ANO7: variants seen among roughly 807,000 people sequenced by gnomAD.
ANO7 encodes the protein anoctamin 7.
Under a neutral mutation model 115.8 loss-of-function variants are expected in ANO7, and 114 were observed. That is an observed-to-expected ratio of 0.98 (90% CI 0.85 to 1.15). The LOEUF is 1.15. ANO7 is among the 50% of genes most tolerant of loss of function. The pLI is 0.00. For synonymous variants in ANO7, 550 were observed against 498.2 expected (o/e 1.10, Z -1.38); for missense variants, 1,302 against 1,201.2 (o/e 1.08, Z -1.24).
rs760600169 is a variant in ANO7 at position 241,204,853 on chromosome 2, T to C, written c.890-12T>C. The C allele has an allele frequency of 6.2e-7, 1 of 1,610,046 alleles. No individual in the cohort carries two copies. The highest frequency in any genetic ancestry group is 8.5e-7 in the Non-Finnish European group (1 of 1,176,864). ...GGTTCCTGATGGTGGACCCCTGCCA[T>C]CCTCTCTACAGGGTTTTACACAGGC... On this transcript the variant is annotated splice_polypyrimidine_tract_variant and intron_variant, in intron 9 of 24. Coordinates refer to ENST00000674324, the MANE Select transcript of ANO7 (RefSeq NM_001370694.2).
downstream of ANO7, among the ~76,000 whole-genome samples, chr2:241,226,095 A>G (rs775701051): frequency 7.2e-5 from 11 of 152,062 alleles, no homozygotes; most frequent in Non-Finnish European, 1.5e-4. Flanking sequence ...CCCGACGTGG[A>G]AGCTCCCCGA....
the ANO7 span, chr2:241,239,829 T>G: frequency 6.2e-7 from 1 of 1,612,578 alleles, no homozygotes; most frequent in African/African-American, 1.3e-5. The surrounding 1 kb of genome is among the most constrained non-coding windows in gnomAD (Gnocchi z 4.6). Flanking sequence ...TCCTGCAGTG[T>G]TAAGAAGAGA....
At chr2:241,235,760 G>C in the ANO7 span, 1 of 578,388 alleles carries the variant, frequency 1.7e-6, no homozygotes, top group Non-Finnish European at 3.1e-6. Context: ...GAAAAGAATA[G>C]GAAAAGATTT....
intron 19 of ANO7, 30 bp from the exon 20 acceptor site, chr2:241,217,656 G>A: frequency 2.6e-6 from 4 of 1,552,766 alleles, no homozygotes; most frequent in Non-Finnish European, 3.5e-6. Flanking sequence ...GACGGTGGCG[G>A]AGAGCCCGGC....
intron 2 of ANO7, 115 bp downstream of exon 2, chr2:241,190,286 C>A: frequency 1.1e-6 from 1 of 886,446 alleles, no homozygotes; most frequent in Non-Finnish European, 1.7e-6. Flanking sequence ...CGTGTTTCTC[C>A]TGCATCCCCC....
In ANO7 at chr2:241,196,770, G is replaced by A. The variant is rs187417466; in HGVS notation, c.309+925G>A. Among the ~76,000 whole-genome samples, 71 of 151,080 alleles carry A rather than the reference G, an allele frequency of 4.7e-4. No individual in the cohort carries two copies. In the East Asian group the frequency reaches 9.9e-3, roughly 21 times the overall value. ...ATGCCGGTCTTTGCTTATGGATGCC[G>A]TGAGAATGGGCATTTGACTTGTTCC... On this transcript the variant is annotated intron_variant, in intron 4 of 24. Coordinates refer to ENST00000674324, the MANE Select transcript of ANO7 (RefSeq NM_001370694.2).
At chr2:241,207,977 C>T (rs1184424849) in intron 11 of ANO7, among the ~76,000 whole-genome samples, 1 of 152,174 alleles carries the variant, frequency 6.6e-6, no homozygotes, top group Non-Finnish European at 1.5e-5. Flanking sequence ...GGCGGACAAA[C>T]CCTGGAGACC....
At chr2:241,234,577 G>A in the ANO7 span, among the ~76,000 whole-genome samples, 4 of 152,208 alleles carry the variant, frequency 2.6e-5, no homozygotes, top group African/African-American at 9.6e-5. Flanking sequence ...CCAAGTTCCA[G>A]AACCCCTGCT....
chr2:241,197,365 G>A (rs552458546), intron 4 of ANO7, among the ~76,000 whole-genome samples: 5 of 152,102 alleles, frequency 3.3e-5, no homozygotes, highest in Non-Finnish European at 5.9e-5. Context: ...CTCCCAAAGC[G>A]CTGGGATTAC....
chr2:241,209,852 G>T (rs765937317), intron 13 of ANO7, among the ~76,000 whole-genome samples: 1 of 152,174 alleles, frequency 6.6e-6, no homozygotes, highest in African/African-American at 2.4e-5. Flanking sequence ...GGGTCTCCCC[G>T]TGGGTGCGGG....
chr2:241,199,682 C>A (rs1197620502), intron 5 of ANO7, among the ~76,000 whole-genome samples: 3 of 152,220 alleles, frequency 2.0e-5, no homozygotes, highest in African/African-American at 7.2e-5. Flanking sequence ...CAGGCCCAGA[C>A]CCCCGCCAGG....
chr2:241,233,823 G>T, the ANO7 span: 2 of 1,614,106 alleles, frequency 1.2e-6, no homozygotes, highest in Non-Finnish European at 1.7e-6. This position sits in a 1 kb window ranked among gnomAD's most constrained non-coding sequence, Gnocchi z 4.3. Flanking sequence ...CTCTCACCTG[G>T]TTCCCATCGT....
downstream of ANO7, among the ~76,000 whole-genome samples, chr2:241,226,909 AC>A (rs1461389661): frequency 1.3e-5 from 2 of 150,976 alleles, no homozygotes; most frequent in South Asian, 2.1e-4. Context: ...CTCCGCCCGC[AC>A]CCCCCACCAC....
At chr2:241,236,652 C>T in the ANO7 span, 19 of 1,613,954 alleles carry the variant, frequency 1.2e-5, no homozygotes, top group Non-Finnish European at 1.4e-5. Flanking sequence ...CTTTTCTTTC[C>T]GGCCAGAGAT....
At chr2:241,231,686 G>A in the ANO7 span, among the ~76,000 whole-genome samples, 3 of 152,146 alleles carry the variant, frequency 2.0e-5, no homozygotes, top group African/African-American at 7.2e-5. Context: ...CCCTCACTCA[G>A]AGATCCCACC....
In ANO7 at chr2:241,203,353, A is replaced by C; in HGVS notation, c.744A>C (p.Pro248=). The change falls in exon 9 of 25, where the codon CCA becomes CCC. Residue 248 remains proline, a synonymous_variant. Coordinates refer to ENST00000674324, the MANE Select transcript of ANO7 (RefSeq NM_001370694.2). The surrounding 1 kb of genome is among the most constrained non-coding windows in gnomAD (Gnocchi z 4.8). ...PLHDGPFKTP[P]EGPQAPRLNQ... ...CCCAGGGCCCCTTCAAGACGCCCCCAGAGGGCCCGCAGGCTCCACGCCTCA... is the reference window on the plus strand; with the variant it reads ...CCCAGGGCCCCTTCAAGACGCCCCCCGAGGGCCCGCAGGCTCCACGCCTCA... 1 of 1,568,716 alleles carries C rather than the reference A, an allele frequency of 6.4e-7. No homozygotes were observed. The highest frequency in any genetic ancestry group is 8.6e-7 in the Non-Finnish European group (1 of 1,160,042).
rs2068692304 is a variant in ANO7 at position 241,210,358 on chromosome 2, G to A, written c.1423G>A (p.Val475Met). The stretch of plus-strand genomic sequence containing the variant: ...GTACCGTGCCATCATGGCCATCGTG[G>A]TGTCCAGGTCGGGCAACACCCTTCT... ...ILYRAIMAIV[V>M]SRSGNTLLAA... Residue 475 changes from valine to methionine, a missense_variant, in exon 14 of 25, where the codon GTG (valine) becomes ATG (methionine). Physicochemically the swap from Val to Met is conservative, Grantham distance 21. Coordinates refer to ENST00000674324, the MANE Select transcript of ANO7 (RefSeq NM_001370694.2). 6.2e-7 allele frequency: 1 copy of A among 1,613,968 alleles called. No individual in the cohort carries two copies. The highest frequency in any genetic ancestry group is 1.1e-5 in the South Asian group (1 of 91,094).
At chr2:241,201,268 A>C in intron 6 of ANO7, 30 bp from the exon 7 acceptor site, 1 of 1,572,162 alleles carries the variant, frequency 6.4e-7, no homozygotes, top group Non-Finnish European at 8.5e-7. Flanking sequence ...AGCTTCCTCC[A>C]AACCTTCTGC....
chr2:241,229,784 GC>G, downstream of ANO7: 1 of 1,502,538 alleles, frequency 6.7e-7, no homozygotes, highest in Non-Finnish European at 9.1e-7. Flanking sequence ...AAGCCCGCCT[GC>G]CCGCCCACCC....
Sources: gnomAD v4.1 joint callset for allele counts (sites outside exome capture counted in the v4.1 genomes callset) on GRCh38, gnomAD v4.1.1 for gene constraint, Gnocchi (gnomAD v3.1) non-coding constraint, MANE v1.5 for transcripts, NCBI Gene and HGNC (gene_info 2026-07-23, HGNC 2026-07-21) for gene names.